The following PRKN variants were observed in gnomAD, a reference collection of about 807,000 sequenced individuals.
PRKN encodes the protein E3 ubiquitin-protein ligase parkin.
Under a neutral mutation model 59.5 loss-of-function variants are expected in PRKN, and 56 were observed. That is an observed-to-expected ratio of 0.94 (90% CI 0.76 to 1.18). PRKN has a LOEUF of 1.18. PRKN is among the 50% of genes most tolerant of loss of function. The pLI is 0.00. For synonymous variants in PRKN, 250 were observed against 222.1 expected (o/e 1.13, Z -1.12); for missense variants, 657 against 596.4 (o/e 1.10, Z -1.06).
chr6:161,972,289 A>G (rs890148267), intron 6 of PRKN, among the ~76,000 whole-genome samples: 6 of 152,028 alleles, frequency 3.9e-5, no homozygotes, highest in African/African-American at 1.4e-4. Flanking sequence ...AAAAAAAAAA[A>G]AAAGAGTTCT....
chr6:161,957,167 G>A (rs894911171), intron 6 of PRKN, among the ~76,000 whole-genome samples: 1 of 152,096 alleles, frequency 6.6e-6, no homozygotes, highest in African/African-American at 2.4e-5. Context: ...CAATTCCAGG[G>A]GAAACTGTTC....
intron 1 of PRKN, among the ~76,000 whole-genome samples, chr6:162,608,190 G>C (rs545430496): frequency 6.6e-6 from 1 of 152,324 alleles, no homozygotes; most frequent in East Asian, 1.9e-4. Context: ...CAGGGAGTCA[G>C]GTGGAGAAAA....
intron 1 of PRKN, among the ~76,000 whole-genome samples, chr6:162,721,014 C>G (rs1778922260): frequency 6.6e-6 from 1 of 152,150 alleles, no homozygotes; most frequent in South Asian, 2.1e-4. Context: ...ATCTATTCTA[C>G]AAAAATAAGA....
intron 5 of PRKN, among the ~76,000 whole-genome samples, chr6:162,045,227 T>C (rs1171204154): frequency 6.6e-6 from 1 of 152,212 alleles, no homozygotes; most frequent in Non-Finnish European, 1.5e-5. Flanking sequence ...CAATGTGTTA[T>C]AAAAGTTATC....
chr6:162,308,485 C>T (rs1782334199), intron 2 of PRKN, among the ~76,000 whole-genome samples: 2 of 152,128 alleles, frequency 1.3e-5, no homozygotes, highest in African/African-American at 4.8e-5. Flanking sequence ...TGAAATTGAT[C>T]GGTATCTCCG....
rs189176521 is a variant in PRKN at position 161,971,596 on chromosome 6, C to T, written c.734+1706G>A. Reference sequence around the variant, plus strand: ...TTCACCTTGCCAAGAGAGGCTGAAGCGCTATATTTTAAAGGCAATGTTGTG... The same window carrying T: ...TTCACCTTGCCAAGAGAGGCTGAAGTGCTATATTTTAAAGGCAATGTTGTG... On this transcript the variant is annotated intron_variant, in intron 6 of 11. Coordinates refer to ENST00000366898, the MANE Select transcript of PRKN (RefSeq NM_004562.3). 4.6e-5 allele frequency among the ~76,000 whole-genome samples: 7 copies of T among 152,306 alleles called. No individual in the cohort carries two copies. The Middle Eastern group carries it at 0.01, about 222-fold the overall frequency.
chr6:162,223,294 T>C lies in PRKN; in HGVS notation c.413-22042A>G, dbSNP rs1388889038. The stretch of plus-strand genomic sequence containing the variant: ...TTGGGTTGGTTCCAAGTCTTTGATA[T>C]TGTGAATAGAAGACCATAATAGGAG... On this transcript the variant is annotated intron_variant, in intron 3 of 11. Coordinates refer to ENST00000366898, the MANE Select transcript of PRKN (RefSeq NM_004562.3). Among the ~76,000 whole-genome samples the C allele has an allele frequency of 2.6e-5, 4 of 152,028 alleles. No individual in the cohort carries two copies. The East Asian group carries it at 5.8e-4, about 22-fold the overall frequency.
chr6:161,915,618 A>C (rs1778525453), intron 6 of PRKN, among the ~76,000 whole-genome samples: 1 of 152,214 alleles, frequency 6.6e-6, no homozygotes, highest in African/African-American at 2.4e-5. Context: ...ATGTTGTAGA[A>C]CCAGAACATT....
intron 1 of PRKN, among the ~76,000 whole-genome samples, chr6:162,485,973 G>A (rs1050062240): frequency 9.2e-5 from 14 of 152,200 alleles, no homozygotes; most frequent in African/African-American, 3.4e-4. Flanking sequence ...CTATTAAGTT[G>A]CATTCACACA....
At chr6:161,479,075 T>A (rs943402840) in intron 9 of PRKN, among the ~76,000 whole-genome samples, 3 of 152,138 alleles carry the variant, frequency 2.0e-5, no homozygotes, top group Non-Finnish European at 4.4e-5. Context: ...TGCAGAAAAT[T>A]TCTGGAATAA....
intron 6 of PRKN, among the ~76,000 whole-genome samples, chr6:161,809,501 G>T (rs763194018): frequency 6.6e-6 from 1 of 152,000 alleles, no homozygotes; most frequent in East Asian, 1.9e-4. Context: ...GAAATAAAGC[G>T]ACAAAAAAAA....
intron 5 of PRKN, among the ~76,000 whole-genome samples, chr6:162,032,057 A>G (rs1249278958): frequency 6.6e-6 from 1 of 152,166 alleles, no homozygotes; most frequent in Non-Finnish European, 1.5e-5. Flanking sequence ...TGTGTCATCA[A>G]TATTATCTGG....
chr6:162,452,567 A>G (rs930744629), intron 1 of PRKN, among the ~76,000 whole-genome samples: 5 of 152,190 alleles, frequency 3.3e-5, no homozygotes, highest in Admixed American at 2.6e-4. Context: ...TATATTTCTT[A>G]TAGTAAAAAT....
intron 7 of PRKN, among the ~76,000 whole-genome samples, chr6:161,597,223 A>C (rs1781947365): frequency 6.6e-6 from 1 of 152,158 alleles, no homozygotes; most frequent in Admixed American, 6.5e-5. Context: ...TTAGCTCCTA[A>C]ACAGAGCCCT....
chr6:162,160,114 T>C (rs570961512), intron 4 of PRKN, among the ~76,000 whole-genome samples: 5 of 152,318 alleles, frequency 3.3e-5, no homozygotes, highest in South Asian at 2.1e-4. Context: ...AAGACAAGCA[T>C]GCACAGACTA....
chr6:162,367,193 A>G (rs1785487785), intron 2 of PRKN, among the ~76,000 whole-genome samples: 1 of 152,098 alleles, frequency 6.6e-6, no homozygotes, highest in South Asian at 2.1e-4. Flanking sequence ...CCTTGCTGCC[A>G]TCATGTGATG....
At chr6:162,440,012 G>A (rs1000447168) in intron 2 of PRKN, among the ~76,000 whole-genome samples, 1 of 152,138 alleles carries the variant, frequency 6.6e-6, no homozygotes, top group African/African-American at 2.4e-5. Flanking sequence ...AATATGCAAT[G>A]TCTAGGCTTT....
At chr6:161,979,060 C>T (rs1378533183) in intron 5 of PRKN, among the ~76,000 whole-genome samples, 1 of 152,102 alleles carries the variant, frequency 6.6e-6, no homozygotes, top group Admixed American at 6.5e-5. Context: ...CTATAATTCC[C>T]AGGGGCTTAC....
At chr6:162,666,646 C>A (rs987808536) in intron 1 of PRKN, among the ~76,000 whole-genome samples, 11 of 151,956 alleles carry the variant, frequency 7.2e-5, no homozygotes, top group African/African-American at 2.4e-4. Flanking sequence ...CATTTTCCCA[C>A]AAAAAATGTT....
Sources: allele counts gnomAD v4.1 joint callset (sites outside exome capture counted in the v4.1 genomes callset), GRCh38; gene constraint gnomAD v4.1.1; transcripts MANE v1.5; gene names NCBI Gene and HGNC (gene_info 2026-07-23, HGNC 2026-07-21).